RYR3: variants seen among roughly 807,000 people sequenced by gnomAD.
RYR3 encodes the protein brain ryanodine receptor-calcium release channel.
In RYR3, 207 loss-of-function variants were observed where a neutral mutation model predicts 584.3. That is an observed-to-expected ratio of 0.35 (90% confidence interval 0.32 to 0.40). The LOEUF is 0.40. Among genes scored for constraint, RYR3 ranks in the 10% least tolerant of loss-of-function variants. The pLI is 1.00. For missense variants in RYR3, 5,616 were observed against 6,089.2 expected, an observed-to-expected ratio of 0.92 and a Z score of 2.59; for synonymous variants, 2,416 against 2,248.5, an observed-to-expected ratio of 1.07 and a Z score of -2.11.
chr15:33,450,301 C>T (rs970401070), intron 1 of RYR3, among the ~76,000 whole-genome samples: 3 of 152,012 alleles, frequency 2.0e-5, no homozygotes, highest in East Asian at 1.9e-4. Flanking sequence ...AATGGCTGTA[C>T]TTTATTTGGG....
In RYR3 at chr15:33,581,496, T is replaced by C. The variant is rs375874463; in HGVS notation, c.1438-12T>C. The C allele has an allele frequency of 6.8e-6, 11 of 1,612,556 alleles. No individual in the cohort carries two copies. Among genetic ancestry groups the C allele is most frequent in the Non-Finnish European group, 9.3e-6 (11 of 1,178,908 alleles). ...CAGCAATGTTTACATTTTCCTCCACTCTCCTTCTCAGGGAATGTTGGCCCT... is the reference window on the plus strand; with the variant it reads ...CAGCAATGTTTACATTTTCCTCCACCCTCCTTCTCAGGGAATGTTGGCCCT... On this transcript the variant is annotated splice_polypyrimidine_tract_variant and intron_variant, in intron 13 of 103. Transcript: ENST00000634891.
chr15:33,808,513 T>C (rs77799729), intron 70 of RYR3, among the ~76,000 whole-genome samples: 6,981 of 152,336 alleles, frequency 0.046, 225 homozygotes, highest in South Asian at 0.081. Flanking sequence ...TTCGATTGCA[T>C]ACTGTGTATT....
At chr15:33,713,975 G>T (rs34148440) in intron 43 of RYR3, among the ~76,000 whole-genome samples, 28,917 of 152,020 alleles carry the variant, frequency 0.19, 2,938 homozygotes, top group Middle Eastern at 0.27. Flanking sequence ...TTGGAGGGTG[G>T]GGGGGACACG....
In RYR3 at chr15:33,780,229, A is replaced by G. The variant is rs2074300878; in HGVS notation, c.9156A>G (p.Gly3052=). 2 of 1,613,744 alleles carry G rather than the reference A, an allele frequency of 1.2e-6. No individual in the cohort carries two copies. Among genetic ancestry groups the G allele is most frequent in the African/African-American group, 2.7e-5 (2 of 74,912 alleles). Residue 3052 remains glycine (G), a synonymous_variant, in exon 65 of 104, where the codon GGA becomes GGG. Coordinates refer to ENST00000634891, the MANE Select transcript of RYR3 (RefSeq NM_001036.6). The stretch of plus-strand genomic sequence containing the variant: ...TTTCCAGGCAACGCCCTGCCCTTGG[A>G]GAATGTCTGGCCTCGCTGGCAGCTG... ...IYVERQRPAL[G]ECLASLAAAI... is the part of the protein sequence containing the mutation.
chr15:33,511,352 CT>C (rs1393055261), intron 3 of RYR3, among the ~76,000 whole-genome samples: 1 of 121,076 alleles, frequency 8.3e-6, no homozygotes, highest in Non-Finnish European at 1.8e-5. Context: ...AAAAAAAAAA[CT>C]CTTTAGTAAG....
intron 103 of RYR3, 76 bp from the exon 104 acceptor site, chr15:33,865,043 TAAAGGGAGCCAC>T: frequency 1.0e-6 from 1 of 953,256 alleles, no homozygotes; most frequent in Non-Finnish European, 1.7e-6. Flanking sequence ...TCAGTCTTCC[TAAAGGGAGCCAC>T]AAAGAACAAA....
chr15:33,438,802 T>A (rs60471706), intron 1 of RYR3, among the ~76,000 whole-genome samples: 2 of 151,922 alleles, frequency 1.3e-5, no homozygotes, highest in Non-Finnish European at 2.9e-5. Flanking sequence ...ACCTAATAAC[T>A]AAAAGAATGG....
intron 1 of RYR3, among the ~76,000 whole-genome samples, chr15:33,414,375 A>G (rs1479769960): frequency 6.6e-6 from 1 of 152,116 alleles, no homozygotes; most frequent in East Asian, 1.9e-4. Flanking sequence ...AGTTCTGGAG[A>G]CCAAAGAGAA....
At chr15:33,644,872 T>G (rs903982701) in intron 28 of RYR3, among the ~76,000 whole-genome samples, 22 of 151,852 alleles carry the variant, frequency 1.4e-4, no homozygotes, top group African/African-American at 4.8e-4. Flanking sequence ...TCGGGCTGGG[T>G]GTGGTGGCTC....
At chr15:33,541,589 T>C (rs1159646228) in intron 7 of RYR3, among the ~76,000 whole-genome samples, 3 of 152,162 alleles carry the variant, frequency 2.0e-5, no homozygotes, top group Non-Finnish European at 4.4e-5. Context: ...TTTTGGCACA[T>C]TATAGCAAGA....
intron 1 of RYR3, among the ~76,000 whole-genome samples, chr15:33,391,228 C>T (rs542972803): frequency 3.7e-4 from 57 of 152,296 alleles, no homozygotes; most frequent in African/African-American, 1.1e-3. Flanking sequence ...GGATTCCAAC[C>T]GTTTTGAACT....
chr15:33,757,912 G>C, intron 60 of RYR3: 1 of 313,754 alleles, frequency 3.2e-6, no homozygotes, highest in Non-Finnish European at 6.1e-6. Context: ...CGCAGAAGGA[G>C]AGTGGTGTCT....
At chr15:33,791,898 G>A (rs1418282252) in intron 67 of RYR3, among the ~76,000 whole-genome samples, 1 of 152,088 alleles carries the variant, frequency 6.6e-6, no homozygotes, top group African/African-American at 2.4e-5. Context: ...TTGGAGAGTG[G>A]GTACTAGATA....
intron 1 of RYR3, among the ~76,000 whole-genome samples, chr15:33,420,406 T>C (rs1327805656): frequency 1.3e-5 from 2 of 152,198 alleles, no homozygotes. Context: ...TTTGTGATGT[T>C]ACTTGTAAGT....
At chr15:33,711,403 C>A (rs1002739646) in intron 43 of RYR3, among the ~76,000 whole-genome samples, 1 of 152,058 alleles carries the variant, frequency 6.6e-6, no homozygotes, top group Non-Finnish European at 1.5e-5. Context: ...ACCACCATGC[C>A]TGGCTAACTT....
rs1281440819 is a variant in RYR3 at position 33,696,430 on chromosome 15, C to G, written c.6073C>G (p.Arg2025Gly). ...CCTGCTGGCTGCCCTGGGCCAAATC[C>G]GCTCCCTCCTCAGTGTCAGGATGGG... ...INLLAALGQIRSLLSVRMGKE... is the reference protein window; with the variant it reads ...INLLAALGQIGSLLSVRMGKE... Residue 2025 changes from arginine to glycine, a missense_variant, in exon 39 of 104, where the codon CGC (arginine) becomes GGC (glycine). Arg to Gly is a moderately radical substitution (Grantham distance 125). Transcript: ENST00000634891. The G allele has an allele frequency of 1.9e-6, 3 of 1,613,906 alleles. No individual in the cohort carries two copies. Among genetic ancestry groups the G allele is most frequent in the Middle Eastern group, 1.6e-4 (1 of 6,062 alleles).
chr15:33,519,249 C>A (rs975598963), intron 3 of RYR3, among the ~76,000 whole-genome samples: 1 of 152,180 alleles, frequency 6.6e-6, no homozygotes, highest in Non-Finnish European at 1.5e-5. Context: ...CTACAGTCTT[C>A]ACCACACATA....
At chr15:33,591,194 G>T (rs1283344030) in intron 16 of RYR3, among the ~76,000 whole-genome samples, 1 of 152,104 alleles carries the variant, frequency 6.6e-6, no homozygotes, top group African/African-American at 2.4e-5. Context: ...AAAAATTCTT[G>T]TCTGCTCTTT....
At chr15:33,596,411 A>AATAAT (rs2059371049) in intron 16 of RYR3, among the ~76,000 whole-genome samples, 1 of 151,754 alleles carries the variant, frequency 6.6e-6, no homozygotes, top group East Asian at 1.9e-4. Flanking sequence ...GTCATTATTT[A>AATAAT]AAGTTATAAA....
Sources: gnomAD v4.1 joint callset for allele counts (sites outside exome capture counted in the v4.1 genomes callset) on GRCh38, gnomAD v4.1.1 for gene constraint, MANE v1.5 for transcripts, NCBI Gene and HGNC (gene_info 2026-07-23, HGNC 2026-07-21) for gene names.